The following MALRD1 variants were observed in gnomAD, a reference collection of about 807,000 sequenced individuals.
MALRD1 encodes the protein MAM and LDL-receptor class A domain-containing protein 1.
In MALRD1, 247 loss-of-function variants were observed where a neutral mutation model predicts 242.1. The ratio of observed to expected loss-of-function variants is 1.02; its 90% CI spans 0.92 to 1.13. The LOEUF is 1.13. Ranked by LOEUF, MALRD1 falls within the 50% of genes most tolerant of loss-of-function variation. MALRD1 has a pLI of 0.00. For synonymous variants in MALRD1, 995 were observed against 866.6 expected (o/e 1.15, Z -2.60); for missense variants, 2,989 against 2,533.1 (o/e 1.18, Z -3.86).
At chr10:19,125,265 TTC>T (rs1310747290) in intron 7 of MALRD1, among the ~76,000 whole-genome samples, 6 of 148,516 alleles carry the variant, frequency 4.0e-5, no homozygotes, top group African/African-American at 5.0e-5. Context: ...AGCTCTTTCT[TTC>T]TCTTTCTTTC....
chr10:19,316,305 T>C (rs1842705687), intron 21 of MALRD1, among the ~76,000 whole-genome samples: 2 of 151,792 alleles, frequency 1.3e-5, no homozygotes, highest in Admixed American at 1.3e-4. Context: ...TAGGATCAGA[T>C]GTGTATTTTG....
intron 1 of MALRD1, among the ~76,000 whole-genome samples, chr10:19,064,075 G>T (rs1168242572): frequency 1.3e-5 from 2 of 152,130 alleles, no homozygotes; most frequent in Non-Finnish European, 2.9e-5. Flanking sequence ...ACCCAACTCA[G>T]GAGATAATTG....
intron 31 of MALRD1, among the ~76,000 whole-genome samples, chr10:19,529,944 A>C (rs1161609872): frequency 1.3e-5 from 2 of 152,098 alleles, no homozygotes; most frequent in African/African-American, 4.8e-5. Context: ...ATGTACATGC[A>C]TAGGAAGACA....
chr10:19,319,056 T>C (rs931810129), intron 21 of MALRD1, among the ~76,000 whole-genome samples: 16 of 152,018 alleles, frequency 1.1e-4, no homozygotes, highest in African/African-American at 3.9e-4. Context: ...CAATAAATGT[T>C]ATATTCATTT....
intron 26 of MALRD1, among the ~76,000 whole-genome samples, chr10:19,360,506 G>C (rs1448763963): frequency 6.6e-6 from 1 of 151,890 alleles, no homozygotes; most frequent in Non-Finnish European, 1.5e-5. Flanking sequence ...ACCCATCCCT[G>C]CTCACTCTCA....
At chr10:19,572,783 G>C (rs1187659259) in intron 33 of MALRD1, among the ~76,000 whole-genome samples, 1 of 152,070 alleles carries the variant, frequency 6.6e-6, no homozygotes, top group Non-Finnish European at 1.5e-5. Context: ...GTAATGAAGG[G>C]GGCAGAGATT....
chr10:19,394,320 T>C (rs1202299019), intron 28 of MALRD1, among the ~76,000 whole-genome samples: 2 of 152,160 alleles, frequency 1.3e-5, no homozygotes, highest in South Asian at 4.1e-4. Flanking sequence ...TCAGCTCACA[T>C]GGTATTTTAA....
At chr10:19,425,534 A>G (rs1292858551) in intron 28 of MALRD1, among the ~76,000 whole-genome samples, 2 of 151,046 alleles carry the variant, frequency 1.3e-5, no homozygotes, top group Non-Finnish European at 3.0e-5. Flanking sequence ...TTCCTTTTAA[A>G]CCAAAGGCTG....
rs547074594 is a variant in MALRD1 at position 19,137,548 on chromosome 10, G to A, written c.1411+767G>A. 1.4e-4 allele frequency among the ~76,000 whole-genome samples: 21 copies of A among 149,790 alleles called. No homozygotes were observed. The East Asian group carries it at 4.0e-3, about 28-fold the overall frequency. On this transcript the variant is annotated intron_variant, in intron 10 of 39. Coordinates refer to ENST00000454679, the MANE Select transcript of MALRD1 (RefSeq NM_001142308.3). ...CTGAACATGGGAGGTGGAGGTTGCC[G>A]TGAGCTGAGATCATGCCATTGCACT...
chr10:19,590,625 C>A (rs1837725440), intron 33 of MALRD1, among the ~76,000 whole-genome samples: 1 of 151,912 alleles, frequency 6.6e-6, no homozygotes, highest in African/African-American at 2.4e-5. Context: ...TTTCATAAGA[C>A]AGATCAATAA....
chr10:19,574,105 C>T (rs1413210574), intron 33 of MALRD1, among the ~76,000 whole-genome samples: 1 of 152,150 alleles, frequency 6.6e-6, no homozygotes, highest in Non-Finnish European at 1.5e-5. Context: ...GGGAATAGTA[C>T]AAATTCTGCT....
intron 26 of MALRD1, among the ~76,000 whole-genome samples, chr10:19,368,161 C>T (rs1410717017): frequency 6.6e-6 from 1 of 151,738 alleles, no homozygotes; most frequent in East Asian, 1.9e-4. Flanking sequence ...TGTTTTTTGC[C>T]TGTGCTTTTT....
chr10:19,138,399 T>C (rs1254709491), intron 10 of MALRD1, among the ~76,000 whole-genome samples: 1 of 151,490 alleles, frequency 6.6e-6, no homozygotes, highest in African/African-American at 2.4e-5. Flanking sequence ...GGAAAATATA[T>C]TTCCTTTCTT....
chr10:19,110,838 C>T (rs1241216197), intron 5 of MALRD1, among the ~76,000 whole-genome samples: 1 of 152,036 alleles, frequency 6.6e-6, no homozygotes, highest in African/African-American at 2.4e-5. Context: ...TCATTTTGTA[C>T]TAGTGTTATT....
chr10:19,514,837 A>G (rs1221247873), intron 31 of MALRD1, among the ~76,000 whole-genome samples: 1 of 152,028 alleles, frequency 6.6e-6, no homozygotes, highest in Non-Finnish European at 1.5e-5. Context: ...GCAGACCAAT[A>G]CTCCAAGAAA....
chr10:19,267,215 T>TGTTA (rs148194923), intron 19 of MALRD1, among the ~76,000 whole-genome samples: 2,308 of 152,178 alleles, frequency 0.015, 60 homozygotes, highest in African/African-American at 0.053. Context: ...ACATTAGAAT[T>TGTTA]GTTACTAAAA....
At chr10:19,404,850 A>G (rs901212538) in intron 28 of MALRD1, among the ~76,000 whole-genome samples, 2 of 152,210 alleles carry the variant, frequency 1.3e-5, no homozygotes, top group Admixed American at 6.5e-5. Flanking sequence ...AGTACTGGAT[A>G]TATCCATTTG....
chr10:19,576,467 G>GTATAC (rs1195537187), intron 33 of MALRD1, among the ~76,000 whole-genome samples: 1 of 152,038 alleles, frequency 6.6e-6, no homozygotes, highest in Admixed American at 6.6e-5. Context: ...AACCCTCCAT[G>GTATAC]TATACTTTCG....
intron 8 of MALRD1, among the ~76,000 whole-genome samples, chr10:19,129,360 G>A (rs2131395243): frequency 6.6e-6 from 1 of 152,218 alleles, no homozygotes; most frequent in African/African-American, 2.4e-5. Context: ...ACAACCATAT[G>A]GAAGAGATGA....
Sources: allele counts gnomAD v4.1 joint callset (sites outside exome capture counted in the v4.1 genomes callset), GRCh38; gene constraint gnomAD v4.1.1; transcripts MANE v1.5; gene names NCBI Gene and HGNC (gene_info 2026-07-23, HGNC 2026-07-21).